Variants in FOXN4 observed in about 807,000 individuals in gnomAD.
FOXN4 encodes the protein forkhead box N4.
In FOXN4, 12 loss-of-function variants were observed where a neutral mutation model predicts 45.0. The ratio of observed to expected loss-of-function variants is 0.27; its 90% CI spans 0.17 to 0.43. The LOEUF (loss-of-function observed/expected upper bound fraction) is 0.43. Ranked by LOEUF, FOXN4 falls within the 20% of genes least tolerant of loss-of-function variation. The pLI, the probability that FOXN4 is intolerant of heterozygous loss-of-function variation, is 1.00. For synonymous variants in FOXN4, 297 were observed against 295.0 expected, an observed-to-expected ratio of 1.01 and a Z score of -0.07; for missense variants, 560 against 694.9, an observed-to-expected ratio of 0.81 and a Z score of 2.18.
intron 2 of FOXN4, among the ~76,000 whole-genome samples, chr12:109,293,962 C>T (rs2047793354): frequency 1.3e-5 from 2 of 152,156 alleles, no homozygotes; most frequent in African/African-American, 4.8e-5. Context: ...GAAGCTGAGG[C>T]CAGCCCAGTA....
At chr12:109,305,406 T>C (rs2047912541) in intron 2 of FOXN4, among the ~76,000 whole-genome samples, 1 of 152,178 alleles carries the variant, frequency 6.6e-6, no homozygotes. Context: ...TATGTTATTT[T>C]GCCTTCTGGA....
At chr12:109,286,168 C>T (rs950121940) in intron 7 of FOXN4, among the ~76,000 whole-genome samples, 14 of 152,204 alleles carry the variant, frequency 9.2e-5, no homozygotes, top group Non-Finnish European at 4.4e-5. Context: ...TACCCTCTAA[C>T]TTCCTGCTCC....
chr12:109,284,613 A>C (rs1230778427), intron 8 of FOXN4, among the ~76,000 whole-genome samples: 7 of 132,584 alleles, frequency 5.3e-5, no homozygotes, highest in Non-Finnish European at 1.1e-4. Flanking sequence ...GCCTCACCAG[A>C]GTTGGCCATG....
rs1050785764 is a variant in FOXN4, at chr12:109,285,323, G to A, written c.882C>T (p.His294=). ...KWKRKDLAAI[H]RSMANPEELD... is the part of the protein sequence containing the mutation. ...CCTCACCAGGGTTGGCCATACTCCG[G>A]TGGATGGCAGCCAGGTCCTTCCTCT... The change falls in exon 8 of 10, where the codon CAC becomes CAT. Residue 294 remains histidine, a synonymous_variant. Coordinates refer to ENST00000299162, the MANE Select transcript of FOXN4 (RefSeq NM_213596.3). The A allele has an allele frequency of 5.0e-6, 8 of 1,611,342 alleles. No homozygotes were observed. The African/African-American group carries it at 9.4e-5, about 19-fold the overall frequency.
intron 2 of FOXN4, among the ~76,000 whole-genome samples, chr12:109,300,634 C>T (rs534656182): frequency 6.6e-6 from 1 of 152,170 alleles, no homozygotes; most frequent in Non-Finnish European, 1.5e-5. Context: ...TGTGCCCAGG[C>T]GTGATGGCTC....
chr12:109,287,860 G>A lies in FOXN4; in HGVS notation c.452C>T (p.Pro151Leu). 1.3e-6 allele frequency: 2 copies of A among 1,550,032 alleles called. No individual in the cohort carries two copies. Among genetic ancestry groups the A allele is most frequent in the Non-Finnish European group, 1.7e-6 (2 of 1,146,726 alleles). ...CCTTGGTACCTGCTGGGCACCCGGG[G>A]GGAGCGGGAACTGTGGTTGGGTGGC... is the stretch of plus-strand genomic sequence containing the variant. ...SPATQPQFPL[P>L]PGAQQCPPVG... is the part of the protein sequence containing the mutation. The change falls in exon 5 of 10, where the codon CCC becomes CTC. Residue 151 changes from proline to leucine, a missense_variant. By Grantham distance (98) the Pro-to-Leu change is moderately conservative (BLOSUM62 -3). This residue lies in a region of FOXN4 where 61 missense variants were observed against 59.8 expected (regional missense o/e 1.02). Coordinates refer to ENST00000299162, the MANE Select transcript of FOXN4 (RefSeq NM_213596.3). The surrounding 1 kb of genome is among the most constrained non-coding windows in gnomAD (Gnocchi z 4.1).
rs556569972 is a variant in FOXN4 at position 109,290,150 on chromosome 12, G to A, written c.223C>T (p.Pro75Ser). The change falls in exon 3 of 10, where the codon CCA becomes TCA. Residue 75 changes from proline (P) to serine (S), a missense_variant. Pro to Ser is a moderately conservative substitution (Grantham distance 74). This residue lies in a region of FOXN4 where 142 missense variants were observed against 185.7 expected (regional missense o/e 0.76). Coordinates refer to ENST00000299162, the MANE Select transcript of FOXN4 (RefSeq NM_213596.3). The surrounding 1 kb of genome is among the most constrained non-coding windows in gnomAD (Gnocchi z 5.1). ...VDLGGPCVPH[P>S]HPGALAGVAD... The stretch of plus-strand genomic sequence containing the variant: ...TTGTCCCTGAGCCTACCTGGGTGTG[G>A]ATGTGGCACGCAGGGGCCACCCAGG... 12 of 1,547,776 alleles carry A rather than the reference G, an allele frequency of 7.8e-6. No individual in the cohort carries two copies. In the Admixed American group the frequency reaches 2.2e-4, roughly 28 times the overall value.
At chr12:109,289,231 T>C (rs12370035) in intron 3 of FOXN4, among the ~76,000 whole-genome samples, 57,232 of 152,082 alleles carry the variant, frequency 0.38, 11,932 homozygotes, top group East Asian at 0.56. Flanking sequence ...AGATCAGGGG[T>C]TGGCAAACTG....
At chr12:109,280,109 G>C (rs779259523) in intron 9 of FOXN4, among the ~76,000 whole-genome samples, 179 bp from the exon 10 acceptor site, 1 of 152,144 alleles carries the variant, frequency 6.6e-6, no homozygotes, top group Non-Finnish European at 1.5e-5. Flanking sequence ...TTGGGAGGCC[G>C]AGGTGGGTGG....
rs1168806394 is a variant in FOXN4, at chr12:109,304,292, A to AAAGG, written c.86+3940_86+3943dup. 1.6e-3 allele frequency among the ~76,000 whole-genome samples: 71 copies of AAAGG among 45,570 alleles called. 4 individuals are homozygous for AAAGG. The highest frequency in any genetic ancestry group is 0.015 in the Admixed American group (57 of 3,870). 29.9% of individuals were successfully genotyped at this position (45,570 alleles called of 152,430 possible). On this transcript the variant is annotated intron_variant, in intron 2 of 9. Transcript: ENST00000299162. ...GAAAGAAAGAAAGAAAGAAAGAAAG[A>AAAGG]AAGGAGAAAGAAAGAAGGAAAGAAG...
At chr12:109,295,807 C>G (rs1001389876) in intron 2 of FOXN4, among the ~76,000 whole-genome samples, 1 of 152,094 alleles carries the variant, frequency 6.6e-6, no homozygotes, top group African/African-American at 2.4e-5. Flanking sequence ...GAAGACCCAA[C>G]TCCTTCCACC....
At position 109,304,263 on chromosome 12, in the gene FOXN4, G is replaced by C. The variant is rs1400066535; in HGVS notation, c.86+3973C>G. 3.2e-5 allele frequency among the ~76,000 whole-genome samples: 3 copies of C among 93,280 alleles called. No homozygotes were observed. The Admixed American group carries it at 3.6e-4, about 11-fold the overall frequency. 61.2% of individuals were successfully genotyped at this position (93,280 alleles called of 152,430 possible). A position where few individuals can be genotyped will look rare whatever the true frequency, so the allele number is the denominator to read the frequency against. ...AGAAAGAAAGAAAGAAAGAAAGAAA[G>C]AAAGAAAGAAAGAAAGAAAGAAAGA... On this transcript the variant is annotated intron_variant, in intron 2 of 9. Coordinates refer to ENST00000299162, the MANE Select transcript of FOXN4 (RefSeq NM_213596.3).
At chr12:109,304,251 GAA>G (rs1173153782) in intron 2 of FOXN4, among the ~76,000 whole-genome samples, 1 of 85,592 alleles carries the variant, frequency 1.2e-5, no homozygotes, top group African/African-American at 5.2e-5. Flanking sequence ...AAGAAAGAAA[GAA>G]AGAAAGAAAG....
At position 109,305,032 on chromosome 12, in the gene FOXN4, C is replaced by T. The variant is rs867833102; in HGVS notation, c.86+3204G>A. ...AGAGAGGCAGTGACTACTCCAGGGT[C>T]ACACTGAGGTGAGGTGATGCAGCAG... On this transcript the variant is annotated intron_variant, in intron 2 of 9. Transcript: ENST00000299162. Among the ~76,000 whole-genome samples the T allele has an allele frequency of 4.6e-5, 7 of 152,324 alleles. 1 individual carries two copies. In the Middle Eastern group the frequency reaches 0.017, roughly 370 times the overall value.
chr12:109,285,050 T>C (rs566297203), intron 8 of FOXN4, among the ~76,000 whole-genome samples: 6 of 148,168 alleles, frequency 4.0e-5, no homozygotes, highest in East Asian at 4.2e-4. Flanking sequence ...TTTGTGTGTG[T>C]GCGCGCATGT....
chr12:109,288,416 C>CCTAA lies in FOXN4; in HGVS notation c.233-240_233-237dup, dbSNP rs1330696352. On this transcript the variant is annotated intron_variant, in intron 3 of 9. Coordinates refer to ENST00000299162, the MANE Select transcript of FOXN4 (RefSeq NM_213596.3). This position sits in a 1 kb window ranked among gnomAD's most constrained non-coding sequence, Gnocchi z 4.3. ...CATTTGTACTTGATCTACTGATACC[C>CCTAA]CTAACTATAAATCTGCTGTGAGGGT... Among the ~76,000 whole-genome samples the CCTAA allele has an allele frequency of 6.6e-6, 1 of 152,140 alleles. No individual in the cohort carries two copies. Among genetic ancestry groups the CCTAA allele is most frequent in the Non-Finnish European group, 1.5e-5 (1 of 68,026 alleles).
At position 109,291,574 on chromosome 12, in the gene FOXN4, C is replaced by T. The variant is rs1404754699; in HGVS notation, c.87-1288G>A. Among the ~76,000 whole-genome samples, 2 of 152,146 alleles carry T rather than the reference C, an allele frequency of 1.3e-5. No homozygotes were observed. The highest frequency in any genetic ancestry group is 3.9e-4 in the East Asian group (2 of 5,144). On this transcript the variant is annotated intron_variant, in intron 2 of 9. Coordinates refer to ENST00000299162, the MANE Select transcript of FOXN4 (RefSeq NM_213596.3). The surrounding 1 kb of genome is among the most constrained non-coding windows in gnomAD (Gnocchi z 6.6). Reference sequence around the variant, plus strand: ...CAGCTCTGCCTCACGTTCTCCCTCTCCCTCCTCCTCCCTGTCTCTCTCTCT... The same window carrying T: ...CAGCTCTGCCTCACGTTCTCCCTCTTCCTCCTCCTCCCTGTCTCTCTCTCT...
intron 2 of FOXN4, among the ~76,000 whole-genome samples, chr12:109,296,427 G>A (rs945111218): frequency 1.3e-5 from 2 of 152,224 alleles, no homozygotes; most frequent in African/African-American, 2.4e-5. Flanking sequence ...CCCTCACAAA[G>A]GATGCCTTTC....
intron 2 of FOXN4, among the ~76,000 whole-genome samples, chr12:109,306,919 G>C (rs1166083649): frequency 2.0e-5 from 3 of 152,210 alleles, no homozygotes. Flanking sequence ...GCCCTTGGCT[G>C]TGTGATCTTG....
Sources: allele counts gnomAD v4.1 joint callset (sites outside exome capture counted in the v4.1 genomes callset), GRCh38; gene constraint gnomAD v4.1.1; regional missense constraint gnomAD v4.1.1; non-coding constraint Gnocchi (gnomAD v3.1); transcripts MANE v1.5; gene names NCBI Gene and HGNC (gene_info 2026-07-23, HGNC 2026-07-21).